The following MACROD2 variants were observed in gnomAD, a reference collection of about 807,000 sequenced individuals.
MACROD2 encodes the protein ADP-ribose glycohydrolase MACROD2.
A neutral mutation model predicts 70.4 loss-of-function variants in MACROD2; 36 were observed. The observed-to-expected ratio is 0.51, with a 90% CI of 0.39 to 0.68. The LOEUF is 0.68. MACROD2 is among the 30% of genes least tolerant of loss of function. The pLI is 0.00. For missense variants in MACROD2, 496 were observed against 538.4 expected (o/e 0.92, Z 0.78); for synonymous variants, 172 against 178.8 (o/e 0.96, Z 0.30).
chr20:15,189,563 T>C (rs758120304), intron 5 of MACROD2, among the ~76,000 whole-genome samples: 20 of 152,188 alleles, frequency 1.3e-4, no homozygotes, highest in Admixed American at 9.8e-4. Context: ...AATAGGCTAT[T>C]ACAATTTCTG....
At chr20:15,989,556 A>T (rs1601284259) in intron 15 of MACROD2, among the ~76,000 whole-genome samples, 1 of 152,162 alleles carries the variant, frequency 6.6e-6, no homozygotes. Context: ...ACAAAAGAAA[A>T]CTAGTAAATA....
At chr20:15,096,968 C>T (rs536892042) in intron 5 of MACROD2, among the ~76,000 whole-genome samples, 13 of 151,814 alleles carry the variant, frequency 8.6e-5, no homozygotes, top group African/African-American at 2.9e-4. Context: ...CTCGCCACCA[C>T]GCCCAGTTAA....
chr20:15,648,148 T>C (rs1032166492), intron 8 of MACROD2, among the ~76,000 whole-genome samples: 2 of 152,194 alleles, frequency 1.3e-5, no homozygotes, highest in East Asian at 1.9e-4. Context: ...ACTGAGGAGA[T>C]TGCTGCCACC....
At chr20:14,400,481 G>A (rs1351203923) in intron 3 of MACROD2, among the ~76,000 whole-genome samples, 5 of 152,130 alleles carry the variant, frequency 3.3e-5, no homozygotes, top group Non-Finnish European at 5.9e-5. Context: ...AATACAAGGG[G>A]ATACTGCCTG....
chr20:14,313,455 A>C (rs529640915), intron 3 of MACROD2, among the ~76,000 whole-genome samples: 136 of 151,068 alleles, frequency 9.0e-4, no homozygotes, highest in African/African-American at 3.1e-3. Context: ...TTTTGTCCCA[A>C]AATGAAGGTG....
chr20:14,434,936 G>A (rs572936553), intron 3 of MACROD2, among the ~76,000 whole-genome samples: 94 of 152,250 alleles, frequency 6.2e-4, no homozygotes, highest in African/African-American at 2.1e-3. Flanking sequence ...CTTTCTCAGT[G>A]AATCAGCTAC....
intron 2 of MACROD2, among the ~76,000 whole-genome samples, chr20:14,060,125 T>G (rs572743561): frequency 2.6e-5 from 4 of 152,336 alleles, no homozygotes; most frequent in African/African-American, 9.6e-5. Context: ...TCTTTAACTA[T>G]AGAGCACCAA....
At chr20:15,669,278 G>T (rs2049945361) in intron 8 of MACROD2, among the ~76,000 whole-genome samples, 1 of 152,172 alleles carries the variant, frequency 6.6e-6, no homozygotes, top group Non-Finnish European at 1.5e-5. Context: ...GATAATAGGA[G>T]ATTGCTTATT....
rs879752171 is a variant in MACROD2 at position 15,437,833 on chromosome 20, CT to C, written c.571+6407del. Among the ~76,000 whole-genome samples, 878 of 151,296 alleles carry C rather than the reference CT, an allele frequency of 5.8e-3. 6 individuals carry two copies. Among genetic ancestry groups the C allele is most frequent in the East Asian group, 0.022 (113 of 5,160 alleles). The stretch of plus-strand genomic sequence containing the variant: ...GTATTCCTGCAAAAGACATAATCTC[CT>C]TTTTTTTTATGGCTGCATGGTATTC... On this transcript the variant is annotated intron_variant, in intron 7 of 17. Coordinates refer to ENST00000684519, the MANE Select transcript of MACROD2 (RefSeq NM_001351661.2).
At chr20:14,771,660 CACACACACACATAT>C (rs1303919354) in intron 5 of MACROD2, among the ~76,000 whole-genome samples, 17 of 138,782 alleles carry the variant, frequency 1.2e-4, no homozygotes, top group African/African-American at 4.5e-4. Context: ...CACACACACA[CACACACACACATAT>C]ATATATATAT....
intron 8 of MACROD2, among the ~76,000 whole-genome samples, chr20:15,802,797 A>G (rs1223463212): frequency 1.3e-5 from 2 of 152,122 alleles, no homozygotes; most frequent in Non-Finnish European, 2.9e-5. Flanking sequence ...AAAAGATAAT[A>G]TATCCAAATA....
chr20:15,896,536 C>CTCT lies in MACROD2; in HGVS notation c.775+10726_775+10727insCTT, dbSNP rs1555792107. On this transcript the variant is annotated intron_variant, in intron 10 of 17. Coordinates refer to ENST00000684519, the MANE Select transcript of MACROD2 (RefSeq NM_001351661.2). The stretch of plus-strand genomic sequence containing the variant: ...CCACGCAGTTTGTTAATGTCACAAT[C>CTCT]TTTTTTTTTTTTTTCTAGAAAAAAC... 6.9e-4 allele frequency among the ~76,000 whole-genome samples: 100 copies of CTCT among 144,856 alleles called. 1 individual carries two copies. The highest frequency in any genetic ancestry group is 2.4e-3 in the African/African-American group (95 of 39,612).
chr20:14,608,118 T>C (rs944415322), intron 4 of MACROD2, among the ~76,000 whole-genome samples: 4 of 151,944 alleles, frequency 2.6e-5, no homozygotes, highest in African/African-American at 9.7e-5. Flanking sequence ...TAGCTGGGTA[T>C]AGTGGCAGGC....
intron 6 of MACROD2, among the ~76,000 whole-genome samples, chr20:15,416,494 C>T (rs569635698): frequency 3.3e-5 from 5 of 152,270 alleles, no homozygotes; most frequent in African/African-American, 4.8e-5. Flanking sequence ...GTTTAAAGCC[C>T]TCATTCTTCA....
chr20:15,651,261 A>G (rs780688092), intron 8 of MACROD2, among the ~76,000 whole-genome samples: 1 of 152,356 alleles, frequency 6.6e-6, no homozygotes, highest in African/African-American at 2.4e-5. Flanking sequence ...CAAAAAAGCA[A>G]TAAGTGTTTA....
chr20:15,536,366 T>G (rs1336026788), intron 8 of MACROD2, among the ~76,000 whole-genome samples: 2 of 152,178 alleles, frequency 1.3e-5, no homozygotes. Context: ...CCTCAACTCC[T>G]AAAACAAAGG....
intron 2 of MACROD2, among the ~76,000 whole-genome samples, chr20:14,021,052 C>A (rs2053071150): frequency 6.8e-6 from 1 of 146,476 alleles, no homozygotes; most frequent in South Asian, 2.1e-4. Flanking sequence ...TGCAGTGGCG[C>A]CATCTCGGCT....
intron 15 of MACROD2, among the ~76,000 whole-genome samples, chr20:16,025,168 A>C (rs2067059970): frequency 6.6e-6 from 1 of 152,214 alleles, no homozygotes; most frequent in Non-Finnish European, 1.5e-5. Flanking sequence ...AGTTTCTTGA[A>C]CTGTCTCCTG....
At chr20:15,540,966 GTAAT>G (rs2047947701) in intron 8 of MACROD2, among the ~76,000 whole-genome samples, 1 of 152,162 alleles carries the variant, frequency 6.6e-6, no homozygotes, top group African/African-American at 2.4e-5. Context: ...TTCATCATAA[GTAAT>G]TACATCAGTG....
Sources: gnomAD v4.1 joint callset for allele counts (sites outside exome capture counted in the v4.1 genomes callset) on GRCh38, gnomAD v4.1.1 for gene constraint, MANE v1.5 for transcripts, NCBI Gene and HGNC (gene_info 2026-07-23, HGNC 2026-07-21) for gene names.